The following WWOX variants were observed in gnomAD, a reference collection of about 807,000 sequenced individuals.
WWOX encodes WW domain containing oxidoreductase.
Under a neutral mutation model 46.2 loss-of-function variants are expected in WWOX, and 69 were observed. That is an observed-to-expected ratio of 1.49 (90% CI 1.23 to 1.82). WWOX has a LOEUF of 1.82. Among genes scored for constraint, WWOX ranks in the 40% most tolerant of loss-of-function variants. The pLI is 0.00. For missense variants in WWOX, 919 were observed against 542.6 expected, an observed-to-expected ratio of 1.69 and a Z score of -6.89; for synonymous variants, 359 against 202.6, an observed-to-expected ratio of 1.77 and a Z score of -6.56.
At chr16:78,569,856 G>C (rs2044669468) in intron 8 of WWOX, among the ~76,000 whole-genome samples, 1 of 152,132 alleles carries the variant, frequency 6.6e-6, no homozygotes, top group South Asian at 2.1e-4. Flanking sequence ...TGACCTCATC[G>C]ACAGGCTGCT....
intron 8 of WWOX, among the ~76,000 whole-genome samples, chr16:78,487,171 A>G (rs770436861): frequency 3.3e-5 from 5 of 152,120 alleles, no homozygotes; most frequent in Non-Finnish European, 7.4e-5. Context: ...TTTCTTTAAT[A>G]TTTATGCTGG....
At chr16:78,578,117 C>G (rs1011489434) in intron 8 of WWOX, among the ~76,000 whole-genome samples, 3 of 151,362 alleles carry the variant, frequency 2.0e-5, no homozygotes, top group African/African-American at 7.3e-5. Flanking sequence ...CATCTTAATA[C>G]AAGACACTAT....
chr16:79,152,131 A>G (rs1349545192), intron 8 of WWOX, among the ~76,000 whole-genome samples: 5 of 152,192 alleles, frequency 3.3e-5, no homozygotes, highest in African/African-American at 1.2e-4. Context: ...AGAGTAAAAG[A>G]TATCGATTTT....
intron 4 of WWOX, among the ~76,000 whole-genome samples, chr16:78,138,943 C>T (rs1253886249): frequency 1.3e-5 from 2 of 152,284 alleles, no homozygotes; most frequent in Non-Finnish European, 1.5e-5. Context: ...ACATTTGCAA[C>T]GAGGCCTCTG....
intron 8 of WWOX, among the ~76,000 whole-genome samples, chr16:79,146,415 T>C (rs59715840): frequency 0.085 from 12,971 of 152,172 alleles, 731 homozygotes; most frequent in African/African-American, 0.16. Flanking sequence ...TATCATCCTG[T>C]GTTGCTGCAT....
chr16:79,013,114 C>T (rs1291518902), intron 8 of WWOX, among the ~76,000 whole-genome samples: 1 of 152,194 alleles, frequency 6.6e-6, no homozygotes, highest in African/African-American at 2.4e-5. Flanking sequence ...TGGTGGTCCT[C>T]CAGAATTGCC....
chr16:79,144,092 T>G (rs2050140545), intron 8 of WWOX, among the ~76,000 whole-genome samples: 1 of 152,032 alleles, frequency 6.6e-6, no homozygotes, highest in Non-Finnish European at 1.5e-5. Flanking sequence ...AGAGATGGAG[T>G]ATTGCTATGT....
chr16:78,174,268 A>G (rs947207220), intron 5 of WWOX, among the ~76,000 whole-genome samples: 8 of 152,194 alleles, frequency 5.3e-5, no homozygotes, highest in African/African-American at 1.7e-4. Flanking sequence ...GGTGTCAGCA[A>G]GAGAAAAATG....
intron 8 of WWOX, among the ~76,000 whole-genome samples, chr16:79,020,414 C>T (rs565047588): frequency 6.6e-6 from 1 of 152,282 alleles, no homozygotes; most frequent in Non-Finnish European, 1.5e-5. Context: ...TGAGCGATAA[C>T]TTAACCTCTT....
At chr16:78,941,774 G>A (rs13333056) in intron 8 of WWOX, among the ~76,000 whole-genome samples, 1 of 152,012 alleles carries the variant, frequency 6.6e-6, no homozygotes, top group African/African-American at 2.4e-5. Flanking sequence ...TTTAAAAAAG[G>A]TATCATAATC....
chr16:78,919,785 G>A (rs1416707639), intron 8 of WWOX, among the ~76,000 whole-genome samples: 1 of 152,024 alleles, frequency 6.6e-6, no homozygotes, highest in African/African-American at 2.4e-5. Flanking sequence ...AGAGTGCTGG[G>A]ATTACAGGCA....
chr16:78,728,545 G>T (rs761442129), intron 8 of WWOX, among the ~76,000 whole-genome samples: 1 of 152,078 alleles, frequency 6.6e-6, no homozygotes, highest in Admixed American at 6.6e-5. Flanking sequence ...GAAAAACTCC[G>T]CTGTCTAGTT....
intron 8 of WWOX, among the ~76,000 whole-genome samples, chr16:78,984,358 T>C (rs1240085387): frequency 6.6e-6 from 1 of 152,198 alleles, no homozygotes; most frequent in Non-Finnish European, 1.5e-5. Context: ...TCAGCAAATG[T>C]TTTCTATAGA....
chr16:78,363,442 TA>T (rs537324601), intron 5 of WWOX, among the ~76,000 whole-genome samples: 846 of 44,224 alleles, frequency 0.019, 9 homozygotes, highest in African/African-American at 0.058. Context: ...TCCAGCTGAT[TA>T]TTTAAAAAAA....
At chr16:78,899,460 G>A (rs1287043041) in intron 8 of WWOX, 1 of 152,120 alleles carries the variant, frequency 6.6e-6, no homozygotes, top group East Asian at 1.9e-4. Flanking sequence ...AAATGTGTAC[G>A]AAGAGCTTAA....
chr16:78,954,920 G>C (rs933913850), intron 8 of WWOX, among the ~76,000 whole-genome samples: 2 of 152,130 alleles, frequency 1.3e-5, no homozygotes, highest in African/African-American at 4.8e-5. Flanking sequence ...TTCCTGAGTA[G>C]CTGAGACCAC....
chr16:78,431,401 A>G (rs1339357255), intron 7 of WWOX, among the ~76,000 whole-genome samples: 1 of 152,230 alleles, frequency 6.6e-6, no homozygotes, highest in African/African-American at 2.4e-5. Context: ...TGGAGACAAC[A>G]AGACTCATCT....
In WWOX at chr16:78,385,617, C is replaced by G. The variant is rs75782607; in HGVS notation, c.517-1243C>G. 6.4e-3 allele frequency among the ~76,000 whole-genome samples: 977 copies of G among 152,248 alleles called. 9 individuals carry two copies. The highest frequency in any genetic ancestry group is 0.022 in the African/African-American group (910 of 41,548). ...AGCCAAGATAAACCAGCTGCAATTA[C>G]GCTGAACGTCTCAGCCCAGCTCCTG... On this transcript the variant is annotated intron_variant, in intron 5 of 8. Coordinates refer to ENST00000566780, the MANE Select transcript of WWOX (RefSeq NM_016373.4).
intron 8 of WWOX, among the ~76,000 whole-genome samples, chr16:78,962,766 A>C (rs2046295321): frequency 6.6e-6 from 1 of 152,190 alleles, no homozygotes; most frequent in South Asian, 2.1e-4. Flanking sequence ...AACATTTCTA[A>C]CACCTCAGAA....
Sources: gnomAD v4.1 joint callset for allele counts (sites outside exome capture counted in the v4.1 genomes callset) on GRCh38, gnomAD v4.1.1 for gene constraint, MANE v1.5 for transcripts, NCBI Gene and HGNC (gene_info 2026-07-23, HGNC 2026-07-21) for gene names.